Variants in ATP10B observed in about 807,000 individuals in gnomAD.
ATP10B encodes the protein ATPase phospholipid transporting 10B (putative).
In ATP10B, 122 loss-of-function variants were observed where a neutral mutation model predicts 141.2. That is an observed-to-expected ratio of 0.86 (90% CI 0.75 to 1.00). The LOEUF (loss-of-function observed/expected upper bound fraction) is 1.00. Among genes scored for constraint, ATP10B ranks in the 50% least tolerant of loss-of-function variants. The probability of loss-of-function intolerance (pLI) is 0.00; values close to 1 mark genes in which losing one functional copy is unlikely to be tolerated. For synonymous variants in ATP10B, 685 were observed against 692.0 expected (o/e 0.99, Z 0.16); for missense variants, 1,876 against 1,825.3 (o/e 1.03, Z -0.51).
intron 2 of ATP10B, among the ~76,000 whole-genome samples, chr5:160,749,729 G>A (rs1768034327): frequency 6.6e-6 from 1 of 152,170 alleles, no homozygotes; most frequent in Non-Finnish European, 1.5e-5. Context: ...TGGACCACTA[G>A]AAGATGATGA....
intron 1 of ATP10B, among the ~76,000 whole-genome samples, chr5:160,827,347 C>G (rs1367387602): frequency 6.6e-6 from 1 of 152,140 alleles, no homozygotes; most frequent in Non-Finnish European, 1.5e-5. Context: ...TAATTATAAC[C>G]AGTCTGACTG....
intron 2 of ATP10B, among the ~76,000 whole-genome samples, chr5:160,731,635 G>A (rs535963190): frequency 5.3e-5 from 8 of 152,256 alleles, no homozygotes; most frequent in South Asian, 2.1e-4. Flanking sequence ...TTAAGAGTAC[G>A]AGTACTGGTG....
intron 2 of ATP10B, among the ~76,000 whole-genome samples, chr5:160,726,610 T>C (rs990222496): frequency 2.5e-5 from 3 of 118,358 alleles, no homozygotes; most frequent in African/African-American, 1.1e-4. Flanking sequence ...TGAGAGAAGA[T>C]AGAGAGTTGA....
chr5:160,594,421 C>G (rs990214052), intron 22 of ATP10B, among the ~76,000 whole-genome samples: 24 of 152,150 alleles, frequency 1.6e-4, no homozygotes, highest in Admixed American at 6.5e-5. Context: ...CCAGTACCAG[C>G]CACTGCAAAA....
chr5:160,857,100 CT>C (rs1487150537), upstream of ATP10B, among the ~76,000 whole-genome samples: 1 of 151,722 alleles, frequency 6.6e-6, no homozygotes, highest in Non-Finnish European at 1.5e-5. Flanking sequence ...ACCTATTCTA[CT>C]TTATCTTCTG....
chr5:160,611,184 T>C (rs755274894), intron 18 of ATP10B, among the ~76,000 whole-genome samples: 9 of 152,168 alleles, frequency 5.9e-5, no homozygotes, highest in Non-Finnish European at 1.0e-4. Context: ...TGGAAGATAC[T>C]GGACAGAAAG....
At chr5:160,750,073 AG>A (rs1027142561) in intron 2 of ATP10B, among the ~76,000 whole-genome samples, 4 of 152,336 alleles carry the variant, frequency 2.6e-5, no homozygotes, top group African/African-American at 9.6e-5. Context: ...GAAGGTATGC[AG>A]GTTTTGATTA....
chr5:160,826,918 C>A (rs1458344753), intron 1 of ATP10B, among the ~76,000 whole-genome samples: 1 of 152,100 alleles, frequency 6.6e-6, no homozygotes, highest in African/African-American at 2.4e-5. Flanking sequence ...TGCTCTCAAA[C>A]CCTGTTTTCT....
rs1036689385 is a variant in ATP10B, at chr5:160,806,552, C to G, written c.-575-20749G>C. The stretch of plus-strand genomic sequence containing the variant: ...CGCTGTTTGTCTTTCAGAACTTTGG[C>G]GAAGAGGTCTTGGGAAGATGATCTT... On this transcript the variant is annotated intron_variant, in intron 1 of 25. Coordinates refer to ENST00000327245, the MANE Select transcript of ATP10B (RefSeq NM_025153.3). Among the ~76,000 whole-genome samples the G allele has an allele frequency of 2.0e-5, 3 of 152,176 alleles. No homozygotes were observed. In the South Asian group the frequency reaches 6.2e-4, roughly 32 times the overall value.
At chr5:160,741,564 T>C (rs530809224) in intron 2 of ATP10B, among the ~76,000 whole-genome samples, 11 of 152,228 alleles carry the variant, frequency 7.2e-5, no homozygotes, top group Non-Finnish European at 1.6e-4. Flanking sequence ...GGATGAAATG[T>C]AACAGCAACA....
intron 1 of ATP10B, among the ~76,000 whole-genome samples, chr5:160,807,889 T>A (rs905536783): frequency 6.6e-6 from 1 of 152,308 alleles, no homozygotes; most frequent in South Asian, 2.1e-4. Context: ...TGTTCCTACA[T>A]ATGGCTGACT....
At chr5:160,745,214 C>A (rs971282392) in intron 2 of ATP10B, among the ~76,000 whole-genome samples, 2 of 152,128 alleles carry the variant, frequency 1.3e-5, no homozygotes, top group Admixed American at 1.3e-4. Flanking sequence ...TGCTGGCATT[C>A]TATGTAGGAT....
the ATP10B span, among the ~76,000 whole-genome samples, chr5:160,901,828 G>C: frequency 6.6e-6 from 1 of 152,194 alleles, no homozygotes; most frequent in African/African-American, 2.4e-5. Context: ...GTTGAACTTT[G>C]TTCAGAGAAT....
chr5:160,753,730 C>T (rs1055289704), intron 2 of ATP10B, among the ~76,000 whole-genome samples: 2 of 152,112 alleles, frequency 1.3e-5, no homozygotes, highest in East Asian at 1.9e-4. Flanking sequence ...TATTGAGTCC[C>T]CATCTTTTTC....
chr5:160,890,612 CTT>C, the ATP10B span, among the ~76,000 whole-genome samples: 1 of 152,156 alleles, frequency 6.6e-6, no homozygotes, highest in Non-Finnish European at 1.5e-5. Flanking sequence ...GGCATCAGAA[CTT>C]TATTTCTTTT....
chr5:160,889,673 T>C, the ATP10B span, among the ~76,000 whole-genome samples: 3 of 152,078 alleles, frequency 2.0e-5, no homozygotes, highest in Non-Finnish European at 4.4e-5. Context: ...AATAAAGACA[T>C]GTGAGAATGG....
chr5:160,652,876 A>AAT (rs572715234), intron 7 of ATP10B, among the ~76,000 whole-genome samples: 2 of 49,420 alleles, frequency 4.0e-5, no homozygotes, highest in Non-Finnish European at 7.3e-5. Flanking sequence ...TAATATATAT[A>AAT]ATATATATAT....
the ATP10B span, among the ~76,000 whole-genome samples, chr5:160,861,475 T>C: frequency 2.0e-5 from 3 of 151,914 alleles, no homozygotes; most frequent in African/African-American, 7.2e-5. Flanking sequence ...AAAATTTAAA[T>C]AGATACTTTA....
intron 1 of ATP10B, among the ~76,000 whole-genome samples, chr5:160,820,223 TATC>T (rs2127960515): frequency 1.3e-5 from 2 of 151,794 alleles, no homozygotes; most frequent in South Asian, 4.2e-4. Flanking sequence ...AAATTCAAAG[TATC>T]ATTAGCAGGT....
Sources: allele counts gnomAD v4.1 joint callset (sites outside exome capture counted in the v4.1 genomes callset), GRCh38; gene constraint gnomAD v4.1.1; transcripts MANE v1.5; gene names NCBI Gene and HGNC (gene_info 2026-07-23, HGNC 2026-07-21).